UQCRC1: variants seen among roughly 807,000 people sequenced by gnomAD.
The protein encoded by UQCRC1 is ubiquinol-cytochrome c reductase core protein 1, also known as cytochrome b-c1 complex subunit 1, mitochondrial.
A neutral mutation model predicts 58.0 loss-of-function variants in UQCRC1; 34 were observed. The observed-to-expected ratio is 0.59, with a 90% CI of 0.45 to 0.78. The LOEUF is 0.78. Ranked by LOEUF, UQCRC1 falls within the 30% of genes least tolerant of loss-of-function variation. UQCRC1 has a pLI of 0.00. For missense variants in UQCRC1, 610 were observed against 646.0 expected (o/e 0.94, Z 0.60); for synonymous variants, 276 against 248.8 (o/e 1.11, Z -1.03).
At chr3:48,602,176 G>A (rs895602553) in intron 6 of UQCRC1, among the ~76,000 whole-genome samples, 8 of 150,862 alleles carry the variant, frequency 5.3e-5, no homozygotes, top group South Asian at 2.1e-4. Flanking sequence ...TCAGCCTCCC[G>A]AGTAGCTGGG....
At position 48,609,362 on chromosome 3, in the gene UQCRC1, G is replaced by A. The variant is rs1185498590; in HGVS notation, c.70-60C>T. On this transcript the variant is annotated intron_variant, in intron 1 of 12. Transcript: ENST00000203407. Reference sequence around the variant, plus strand: ...TCAGGGGATCGCTCCCCACCTCCCAGGTCCTCAGGAGGACCCCCGAACCCC... The same window carrying A: ...TCAGGGGATCGCTCCCCACCTCCCAAGTCCTCAGGAGGACCCCCGAACCCC... 7 of 1,566,816 alleles carry A rather than the reference G, an allele frequency of 4.5e-6. No individual in the cohort carries two copies. In the Admixed American group the frequency reaches 5.3e-5, roughly 12 times the overall value.
At chr3:48,604,965 T>C (rs1023871256) in intron 3 of UQCRC1, among the ~76,000 whole-genome samples, 185 bp from the exon 4 acceptor site, 4 of 152,030 alleles carry the variant, frequency 2.6e-5, no homozygotes, top group Admixed American at 2.0e-4. Flanking sequence ...ACCAAAACCA[T>C]GGCATCATGC....
intron 2 of UQCRC1, 144 bp from the exon 3 acceptor site, chr3:48,606,000 G>T: frequency 1.4e-6 from 1 of 709,892 alleles, no homozygotes; most frequent in Non-Finnish European, 2.3e-6. Context: ...CAGGACCCCT[G>T]TGCTTGGGGA....
chr3:48,599,777 C>A, intron 11 of UQCRC1, 67 bp from the exon 12 acceptor site: 1 of 1,506,476 alleles, frequency 6.6e-7, no homozygotes, highest in Non-Finnish European at 9.2e-7. Context: ...CAGTCAGCAT[C>A]ATCCAACTAG....
intron 2 of UQCRC1, among the ~76,000 whole-genome samples, chr3:48,607,972 G>A (rs1407231627): frequency 6.6e-6 from 1 of 152,158 alleles, no homozygotes; most frequent in Admixed American, 6.5e-5. Flanking sequence ...TTACAGGCGT[G>A]TGCCATGCAT....
At chr3:48,603,793 T>A (rs1200865674) in intron 5 of UQCRC1, 150 bp from the exon 6 acceptor site, 7 of 760,726 alleles carry the variant, frequency 9.2e-6, no homozygotes, top group East Asian at 8.1e-5. Flanking sequence ...CCTTCCCCTG[T>A]CTCTGCCACC....
intron 2 of UQCRC1, among the ~76,000 whole-genome samples, chr3:48,608,563 A>G (rs2046434226): frequency 6.6e-6 from 1 of 152,244 alleles, no homozygotes; most frequent in Non-Finnish European, 1.5e-5. Context: ...CTGGAAAACT[A>G]AAAGGATGTG....
chr3:48,604,859 G>A lies in UQCRC1; in HGVS notation c.298-79C>T, dbSNP rs372246917. ...CCTGTCCTCAGAGGCTAAACACCCAGCAGGACCACTGGTCCACAGGTACCT... is the reference window on the plus strand; with the variant it reads ...CCTGTCCTCAGAGGCTAAACACCCAACAGGACCACTGGTCCACAGGTACCT... On this transcript the variant is annotated intron_variant, in intron 3 of 12. Coordinates refer to ENST00000203407, the MANE Select transcript of UQCRC1 (RefSeq NM_003365.3). 38 of 1,580,248 alleles carry A rather than the reference G, an allele frequency of 2.4e-5. No homozygotes were observed. In the East Asian group the frequency reaches 4.3e-4, roughly 18 times the overall value.
At chr3:48,607,554 TTTTTC>T (rs1335511278) in intron 2 of UQCRC1, among the ~76,000 whole-genome samples, 2 of 151,686 alleles carry the variant, frequency 1.3e-5, no homozygotes, top group African/African-American at 2.4e-5. Flanking sequence ...AAACTCCATT[TTTTTC>T]TTTTTTTTTT....
chr3:48,601,126 A>C lies in UQCRC1; in HGVS notation c.823-8T>G. On this transcript the variant is annotated splice_polypyrimidine_tract_variant and splice_region_variant and intron_variant, in intron 7 of 12. Coordinates refer to ENST00000203407, the MANE Select transcript of UQCRC1 (RefSeq NM_003365.3). ...ATCATCACGGTGGCGGATCTGAAAC[A>C]GTACATGACAAGGCTGAGGAACAGC... 2 of 1,592,182 alleles carry C rather than the reference A, an allele frequency of 1.3e-6. No homozygotes were observed. Among genetic ancestry groups the C allele is most frequent in the South Asian group, 2.2e-5 (2 of 89,274 alleles).
rs1376686740 is a variant in UQCRC1, at chr3:48,600,798, G to C, written c.1009C>G (p.Leu337Val). 6.2e-7 allele frequency: 1 copy of C among 1,614,028 alleles called. No individual in the cohort carries two copies. Among genetic ancestry groups the C allele is most frequent in the Non-Finnish European group, 8.5e-7 (1 of 1,180,054 alleles). Residue 337 changes from leucine to valine, a missense_variant, in exon 9 of 13, where the codon CTA becomes GTA. Leu to Val is a conservative substitution (Grantham distance 32). Coordinates refer to ENST00000203407, the MANE Select transcript of UQCRC1 (RefSeq NM_003365.3). ...CTGAAGGTCTGGAAACTCTGGCATA[G>C]CTTGTTGGCCACAGCACCTGAAGCC... is the stretch of plus-strand genomic sequence containing the variant. ...PLASGAVANK[L>V]CQSFQTFSIC...
chr3:48,601,083 G>A lies in UQCRC1; in HGVS notation c.858C>T (p.His286=), dbSNP rs1195138801. The A allele has an allele frequency of 1.1e-5, 17 of 1,607,398 alleles. No homozygotes were observed. The highest frequency in any genetic ancestry group is 3.3e-5 in the South Asian group (3 of 90,868). The change falls in exon 8 of 13, where the codon CAC becomes CAT. Residue 286 remains histidine, a synonymous_variant. Coordinates refer to ENST00000203407, the MANE Select transcript of UQCRC1 (RefSeq NM_003365.3). ...CAGGACCCTCTACTGCAATGGCCAC[G>A]TGGGCAAAAGGTAGAGCATCATCAC... ...RHRDDALPFA[H]VAIAVEGPGW...
chr3:48,605,159 C>T (rs777143414), intron 3 of UQCRC1, among the ~76,000 whole-genome samples: 2 of 152,236 alleles, frequency 1.3e-5, no homozygotes, highest in African/African-American at 2.4e-5. Context: ...GAACCCACTC[C>T]TCCCATGCCA....
At chr3:48,600,405 G>T in intron 10 of UQCRC1, 77 bp downstream of exon 10, 1 of 1,568,056 alleles carries the variant, frequency 6.4e-7, no homozygotes, top group Non-Finnish European at 8.8e-7. Flanking sequence ...ACCTTGGTTA[G>T]TTAGGAGCAG....
intron 6 of UQCRC1, among the ~76,000 whole-genome samples, chr3:48,602,741 T>G (rs2046378105): frequency 6.6e-6 from 1 of 151,854 alleles, no homozygotes; most frequent in South Asian, 2.1e-4. Context: ...TGGGCTGGTC[T>G]CGAACTCCTT....
intron 2 of UQCRC1, among the ~76,000 whole-genome samples, chr3:48,606,512 G>A (rs2046414304): frequency 6.6e-6 from 1 of 152,166 alleles, no homozygotes; most frequent in African/African-American, 2.4e-5. Flanking sequence ...ACTTTGGGAG[G>A]CCAAGGCAGG....
At chr3:48,609,032 G>C in intron 2 of UQCRC1, 130 bp downstream of exon 2, 1 of 1,278,550 alleles carries the variant, frequency 7.8e-7, no homozygotes, top group African/African-American at 1.5e-5. Context: ...GGCCATTCTC[G>C]GGGTGAGTGG....
At chr3:48,604,159 A>G in intron 5 of UQCRC1, 74 bp downstream of exon 5, 3 of 1,535,510 alleles carry the variant, frequency 2.0e-6, no homozygotes, top group Non-Finnish European at 2.7e-6. Flanking sequence ...AGCCAACTAA[A>G]AATGTGACCT....
chr3:48,600,066 A>G lies in UQCRC1; in HGVS notation c.1299T>C (p.Ile433=). The G allele has an allele frequency of 1.2e-6, 2 of 1,614,096 alleles. No individual in the cohort carries two copies. The highest frequency in any genetic ancestry group is 1.7e-6 in the Non-Finnish European group (2 of 1,179,998). ...RIPLAEWESR[I]AEVDASVVRE... is the part of the protein sequence containing the mutation. ...CTCTCCCAGGGGTCCATGTTACCGC[A>G]ATCCGGCTTTCCCATTCAGCCAGGG... Residue 433 remains isoleucine, a synonymous_variant, in exon 11 of 13, where the codon ATT becomes ATC. Transcript: ENST00000203407.
Sources: allele counts gnomAD v4.1 joint callset (sites outside exome capture counted in the v4.1 genomes callset), GRCh38; gene constraint gnomAD v4.1.1; transcripts MANE v1.5; gene names NCBI Gene and HGNC (gene_info 2026-07-23, HGNC 2026-07-21).